Variants in PPARG observed in about 807,000 individuals in gnomAD.
The protein encoded by PPARG is peroxisome proliferator-activated receptor gamma.
PPARG carries 17 observed loss-of-function variants against 39.2 expected under a neutral mutation model. The observed-to-expected ratio is 0.43, with a 90% CI of 0.30 to 0.65. The LOEUF (loss-of-function observed/expected upper bound fraction) is 0.65. PPARG is among the 30% of genes least tolerant of loss of function. PPARG has a pLI of 0.13. For synonymous variants in PPARG, 223 were observed against 215.7 expected (o/e 1.03, Z -0.30); for missense variants, 406 against 585.9 (o/e 0.69, Z 3.17).
chr3:12,412,141 G>A (rs564330187), intron 6 of PPARG, among the ~76,000 whole-genome samples: 40 of 152,214 alleles, frequency 2.6e-4, no homozygotes, highest in African/African-American at 8.9e-4. Context: ...TTTATCTCCC[G>A]TAGCTTGCTA....
chr3:12,403,395 G>A (rs2050548237), intron 5 of PPARG, among the ~76,000 whole-genome samples: 1 of 151,842 alleles, frequency 6.6e-6, no homozygotes, highest in Admixed American at 6.6e-5. Flanking sequence ...TGTCACCCAG[G>A]CTAAAGTGTA....
At chr3:12,305,984 C>T (rs1277221442) in intron 1 of PPARG, 1 of 152,302 alleles carries the variant, frequency 6.6e-6, no homozygotes, top group East Asian at 1.9e-4. Flanking sequence ...TTGTTGAATG[C>T]TTATTCTATA....
intron 6 of PPARG, among the ~76,000 whole-genome samples, chr3:12,413,945 T>C (rs551769749): frequency 1.3e-5 from 2 of 152,198 alleles, no homozygotes; most frequent in Admixed American, 6.5e-5. Context: ...TAAAGTCACA[T>C]TGTTGTTAAA....
At chr3:12,396,860 G>A (rs918869983) in intron 5 of PPARG, among the ~76,000 whole-genome samples, 5 of 151,376 alleles carry the variant, frequency 3.3e-5, no homozygotes, top group African/African-American at 1.2e-4. Flanking sequence ...TAGGCTAAGT[G>A]CCCTTTTTAT....
intron 7 of PPARG, among the ~76,000 whole-genome samples, chr3:12,429,807 G>A (rs1306831214): frequency 1.3e-5 from 2 of 152,176 alleles, no homozygotes; most frequent in East Asian, 3.9e-4. Context: ...AGCATCAGTG[G>A]CTTTTTCATT....
intron 7 of PPARG, among the ~76,000 whole-genome samples, chr3:12,422,823 AG>A (rs1226737710): frequency 6.6e-6 from 1 of 151,950 alleles, no homozygotes; most frequent in Non-Finnish European, 1.5e-5. Context: ...TTGAGGCTCC[AG>A]TGAGCTGTGA....
At chr3:12,422,341 A>G (rs753701256) in intron 7 of PPARG, among the ~76,000 whole-genome samples, 2 of 152,174 alleles carry the variant, frequency 1.3e-5, no homozygotes, top group Non-Finnish European at 2.9e-5. Flanking sequence ...CCTCCATTTT[A>G]TAGATGGAGA....
intron 2 of PPARG, among the ~76,000 whole-genome samples, chr3:12,349,344 G>A (rs1465189315): frequency 6.6e-6 from 1 of 152,134 alleles, no homozygotes; most frequent in African/African-American, 2.4e-5. Context: ...TCATTCATTT[G>A]AATGTCCATG....
intron 4 of PPARG, among the ~76,000 whole-genome samples, chr3:12,381,763 C>T (rs1236878139): frequency 2.6e-5 from 4 of 152,034 alleles, no homozygotes; most frequent in South Asian, 2.1e-4. Flanking sequence ...TGCTTTGCCC[C>T]ACATTTGTTT....
intron 2 of PPARG, among the ~76,000 whole-genome samples, chr3:12,320,252 G>A (rs775807000): frequency 7.2e-5 from 11 of 152,180 alleles, no homozygotes; most frequent in Admixed American, 5.9e-4. Context: ...ATGCATGTAT[G>A]TATCGCTAGA....
chr3:12,411,863 G>A (rs557940894), intron 6 of PPARG, among the ~76,000 whole-genome samples: 40 of 152,218 alleles, frequency 2.6e-4, no homozygotes, highest in African/African-American at 8.9e-4. Flanking sequence ...TGTGTCAAAG[G>A]TGATGAAAGT....
intron 2 of PPARG, among the ~76,000 whole-genome samples, chr3:12,360,692 T>G (rs1221516154): frequency 6.6e-6 from 1 of 152,176 alleles, no homozygotes; most frequent in African/African-American, 2.4e-5. Context: ...AATTACACAT[T>G]GTTTACTCTT....
At chr3:12,361,651 A>G (rs865964859) in intron 2 of PPARG, among the ~76,000 whole-genome samples, 6 of 152,224 alleles carry the variant, frequency 3.9e-5, no homozygotes, top group African/African-American at 1.4e-4. Context: ...AGGTGACCAT[A>G]TAGGTCTGGG....
At chr3:12,328,990 A>C (rs1250418801) in intron 2 of PPARG, among the ~76,000 whole-genome samples, 2 of 152,160 alleles carry the variant, frequency 1.3e-5, no homozygotes, top group African/African-American at 4.8e-5. Context: ...CGTAATCCTG[A>C]GGCCTCCTAG....
At chr3:12,332,241 A>G (rs931478347) in intron 2 of PPARG, among the ~76,000 whole-genome samples, 1 of 152,210 alleles carries the variant, frequency 6.6e-6, no homozygotes, top group African/African-American at 2.4e-5. Flanking sequence ...CAACATATTA[A>G]GCCATTTTTC....
chr3:12,401,989 G>A (rs1575119132), intron 5 of PPARG, among the ~76,000 whole-genome samples: 1 of 152,162 alleles, frequency 6.6e-6, no homozygotes, highest in Admixed American at 6.5e-5. Flanking sequence ...TGATAGAAAA[G>A]CAAGACTAGT....
intron 5 of PPARG, among the ~76,000 whole-genome samples, chr3:12,396,757 CAA>C (rs1208855424): frequency 2.8e-4 from 16 of 56,244 alleles, no homozygotes; most frequent in Middle Eastern, 0.01. Flanking sequence ...GACCCAGTCT[CAA>C]AAAAAAAAAA....
chr3:12,383,003 A>T (rs13316883), intron 4 of PPARG, among the ~76,000 whole-genome samples: 4 of 152,152 alleles, frequency 2.6e-5, no homozygotes, highest in African/African-American at 9.7e-5. Flanking sequence ...GTAAATAAAT[A>T]AAATGACACT....
rs2050649104 is a variant in PPARG at position 12,405,983 on chromosome 3, G to A, written c.631G>A (p.Ala211Thr). Reference protein sequence around the residue: ...QLNPESADLRALAKHLYDSYI... With the variant: ...QLNPESADLRTLAKHLYDSYI... Reference sequence around the variant, plus strand: ...GAATCCAGAGTCCGCTGACCTCCGGGCCCTGGCAAAACATTTGTATGACTC... The same window carrying A: ...GAATCCAGAGTCCGCTGACCTCCGGACCCTGGCAAAACATTTGTATGACTC... Residue 211 changes from alanine to threonine, a missense_variant, in exon 6 of 8, where the codon GCC (alanine) becomes ACC (threonine). Around this residue, in one of 2 missense-constraint regions of PPARG, gnomAD observed 275 missense variants for 458.0 expected, o/e 0.60. Transcript: ENST00000651735. 1.2e-6 allele frequency: 2 copies of A among 1,614,112 alleles called. No homozygotes were observed. The highest frequency in any genetic ancestry group is 2.2e-5 in the South Asian group (2 of 91,078).
Sources: gnomAD v4.1 joint callset for allele counts (sites outside exome capture counted in the v4.1 genomes callset) on GRCh38, gnomAD v4.1.1 for gene constraint, gnomAD v4.1.1 regional missense constraint, MANE v1.5 for transcripts, NCBI Gene and HGNC (gene_info 2026-07-23, HGNC 2026-07-21) for gene names.